The following DCHS1 variants were observed in gnomAD, a reference collection of about 807,000 sequenced individuals.
The protein encoded by DCHS1 is protocadherin-16.
DCHS1 carries 78 observed loss-of-function variants against 213.9 expected under a neutral mutation model. The observed-to-expected ratio is 0.36, with a 90% CI of 0.30 to 0.44. The LOEUF is 0.44. Ranked by LOEUF, DCHS1 falls within the 20% of genes least tolerant of loss-of-function variation. The pLI, the probability that DCHS1 is intolerant of heterozygous loss-of-function variation, is 1.00. For missense variants in DCHS1, 3,946 were observed against 4,395.9 expected, an observed-to-expected ratio of 0.90 and a Z score of 2.89; for synonymous variants, 1,828 against 1,873.7, an observed-to-expected ratio of 0.98 and a Z score of 0.63.
At position 6,630,441 on chromosome 11, in the gene DCHS1, G is replaced by T. The variant is rs945534452; in HGVS notation, c.4353C>A (p.Pro1451=). The T allele has an allele frequency of 1.3e-6, 2 of 1,506,512 alleles. No individual in the cohort carries two copies. The highest frequency in any genetic ancestry group is 1.2e-5 in the South Asian group (1 of 82,832). The allele number at this position is 1,506,512 out of a possible 1,614,324, so 93.3% of individuals were successfully genotyped here. A position where few individuals can be genotyped will look rare whatever the true frequency, so the allele number is the denominator to read the frequency against. Residue 1451 remains proline (P), a synonymous_variant, in exon 10 of 21, where the codon CCC becomes CCA. Transcript: ENST00000299441. ...LALALPENPE[P]GAALYTFRAS... ...CGCGGAAAGTGTACAGCGCTGCGCC[G>T]GGCTCCGGGTTCTCTGGCAGCGCCA... is the stretch of plus-strand genomic sequence containing the variant.
rs1399779430 is a variant in DCHS1 at position 6,640,567 on chromosome 11, A to C, written c.1047T>G (p.Thr349=). 1.2e-6 allele frequency: 2 copies of C among 1,608,930 alleles called. No homozygotes were observed. Among genetic ancestry groups the C allele is most frequent in the African/African-American group, 1.3e-5 (1 of 74,932 alleles). Residue 349 remains threonine, a synonymous_variant, in exon 2 of 21, where the codon ACT becomes ACG. Transcript: ENST00000299441. The surrounding 1 kb of genome is among the most constrained non-coding windows in gnomAD (Gnocchi z 6.5). Reference sequence around the variant, plus strand: ...TGTCATTGGCATCTCGCACATGCACAGTCACAAAGGCCGAGCCCAGCTCAG... The same window carrying C: ...TGTCATTGGCATCTCGCACATGCACCGTCACAAAGGCCGAGCCCAGCTCAG... The part of the protein sequence containing the change: ...AHPELGSAFV[T]VHVRDANDNQ...
intron 1 of DCHS1, among the ~76,000 whole-genome samples, chr11:6,646,260 C>T (rs914098670): frequency 2.0e-5 from 3 of 152,146 alleles, no homozygotes; most frequent in Non-Finnish European, 2.9e-5. Context: ...CACATGCTGC[C>T]GGGGCACTCG....
In DCHS1 at chr11:6,640,831, A is replaced by C. The variant is rs910392520; in HGVS notation, c.783T>G (p.His261Gln). 5.0e-6 allele frequency: 8 copies of C among 1,614,018 alleles called. No homozygotes were observed. The highest frequency in any genetic ancestry group is 6.8e-6 in the Non-Finnish European group (8 of 1,179,892). ...GGGCCAGGCTCTCAGACACCACAGC[A>C]TGGTAGCGGCTCTGATTGAAAGCCG... ...HAPAFNQSRY[H>Q]AVVSESLAPG... is the part of the protein sequence containing the mutation. Residue 261 changes from histidine to glutamine, a missense_variant, in exon 2 of 21, where the codon CAT becomes CAG. Coordinates refer to ENST00000299441, the MANE Select transcript of DCHS1 (RefSeq NM_003737.4). The surrounding 1 kb of genome is among the most constrained non-coding windows in gnomAD (Gnocchi z 6.5).
chr11:6,631,161 G>A lies in DCHS1; in HGVS notation c.3822C>T (p.Leu1274=). ...CTGCTCGGATCAGGGGAGCTGCAGT[G>A]AGCAGCTCCCCTGAGTGAGGGTGCA... The part of the protein sequence containing the change: ...FSLHPHSGEL[L]TAAPLIRAER... Residue 1274 remains leucine, a synonymous_variant, in exon 9 of 21, where the codon CTC becomes CTT. Transcript: ENST00000299441. 1.2e-6 allele frequency: 2 copies of A among 1,611,766 alleles called. No homozygotes were observed. Among genetic ancestry groups the A allele is most frequent in the Non-Finnish European group, 8.5e-7 (1 of 1,178,528 alleles).
Position 6,655,766 on chromosome 11 carries a change from G to A in DCHS1, c.-324C>T. 14 of 979,516 alleles carry A rather than the reference G, an allele frequency of 1.4e-5. No individual in the cohort carries two copies. Among genetic ancestry groups the A allele is most frequent in the Non-Finnish European group, 1.7e-5 (14 of 827,796 alleles). 60.7% of individuals were successfully genotyped at this position (979,516 alleles called of 1,614,324 possible). A position where few individuals can be genotyped will look rare whatever the true frequency, so the allele number is the denominator to read the frequency against. On this transcript the variant is annotated 5_prime_UTR_variant, in exon 1 of 21. Transcript: ENST00000299441. ...TCGGTCCGTCCGCTGACGCCCGGGC[G>A]CCGCCTCCTGCACAGCCGCCCCGCC...
rs760376436 is a variant in DCHS1 at position 6,640,690 on chromosome 11, G to A, written c.924C>T (p.Asp308=). 47 of 1,613,384 alleles carry A rather than the reference G, an allele frequency of 2.9e-5. No individual in the cohort carries two copies. The highest frequency in any genetic ancestry group is 1.8e-4 in the East Asian group (8 of 44,894). Reference sequence around the variant, plus strand: ...CTAACTGCAGCAGCCCCGTGTGTGCGTCGATGGAGAAGGGTCCATCACCCT... The same window carrying A: ...CTAACTGCAGCAGCCCCGTGTGTGCATCGATGGAGAAGGGTCCATCACCCT... ...QSEGDGPFSI[D]AHTGLLQLER... is the part of the protein sequence containing the mutation. The change falls in exon 2 of 21, where the codon GAC becomes GAT. Residue 308 remains aspartate, a synonymous_variant. Transcript: ENST00000299441. This position sits in a 1 kb window ranked among gnomAD's most constrained non-coding sequence, Gnocchi z 6.5.
Position 6,626,391 on chromosome 11 carries a change from T to A in DCHS1, c.6365-11A>T. Reference sequence around the variant, plus strand: ...GAACTGTGATGGCACCTGGGCGAGATAGAATGCATCAGTGATAGCCCCCTT... The same window carrying A: ...GAACTGTGATGGCACCTGGGCGAGAAAGAATGCATCAGTGATAGCCCCCTT... On this transcript the variant is annotated splice_polypyrimidine_tract_variant and intron_variant, in intron 15 of 20. Transcript: ENST00000299441. The surrounding 1 kb of genome is among the most constrained non-coding windows in gnomAD (Gnocchi z 5.2). The A allele has an allele frequency of 1.2e-6, 2 of 1,611,116 alleles. No homozygotes were observed. Among genetic ancestry groups the A allele is most frequent in the South Asian group, 1.1e-5 (1 of 90,816 alleles).
rs1415599232 is a variant in DCHS1, at chr11:6,640,399, C to T, written c.1215G>A (p.Leu405=). 4 of 1,613,900 alleles carry T rather than the reference C, an allele frequency of 2.5e-6. No individual in the cohort carries two copies. Among genetic ancestry groups the T allele is most frequent in the Non-Finnish European group, 3.4e-6 (4 of 1,179,848 alleles). ...DGDFAHVNVS[L]EGGEGHFALS... is the part of the protein sequence containing the mutation. ...GGGCAAAGTGGCCCTCTCCACCTTC[C>T]AGGGACACATTGACATGGGCAAAGT... Residue 405 remains leucine, a synonymous_variant, in exon 2 of 21, where the codon CTG becomes CTA. Transcript: ENST00000299441. This position sits in a 1 kb window ranked among gnomAD's most constrained non-coding sequence, Gnocchi z 6.5.
rs1369837163 is a variant in DCHS1, at chr11:6,630,021, G to C, written c.4773C>G (p.His1591Gln). The change falls in exon 10 of 21, where the codon CAC becomes CAG. Residue 1591 changes from histidine (H) to glutamine (Q), a missense_variant. By Grantham distance (24) the His-to-Gln change is conservative. Coordinates refer to ENST00000299441, the MANE Select transcript of DCHS1 (RefSeq NM_003737.4). Reference protein sequence around the residue: ...SYRLASGGDGHFRLHSSTGAL... With the variant: ...SYRLASGGDGQFRLHSSTGAL... ...CACCAGTGCTTGAGTGCAGCCGGAA[G>C]TGGCCGTCCCCGCCAGATGCCAGCC... 1 of 1,560,788 alleles carries C rather than the reference G, an allele frequency of 6.4e-7. No individual in the cohort carries two copies. Among genetic ancestry groups the C allele is most frequent in the Non-Finnish European group, 8.7e-7 (1 of 1,149,580 alleles).
intron 2 of DCHS1, among the ~76,000 whole-genome samples, chr11:6,635,606 A>G (rs1855975456): frequency 6.6e-6 from 1 of 152,118 alleles, no homozygotes; most frequent in South Asian, 2.1e-4. Context: ...CCCTCCTGAG[A>G]GACACCAAGA....
intron 1 of DCHS1, among the ~76,000 whole-genome samples, chr11:6,647,088 G>A (rs948914269): frequency 6.6e-6 from 1 of 152,306 alleles, no homozygotes; most frequent in African/African-American, 2.4e-5. Flanking sequence ...GGGTGAGGAG[G>A]GGCGCCACAA....
chr11:6,641,000 G>A lies in DCHS1; in HGVS notation c.614C>T (p.Pro205Leu). Reference sequence around the variant, plus strand: ...CAGTTCCCCAGTAACTACCAGCTCAGGTACTGGAGTCCCATCTGGACCGGG... The same window carrying A: ...CAGTTCCCCAGTAACTACCAGCTCAAGTACTGGAGTCCCATCTGGACCGGG... ...TRPGPDGTPV[P>L]ELVVTGELDR... The change falls in exon 2 of 21, where the codon CCT becomes CTT. Residue 205 changes from proline to leucine, a missense_variant. Pro to Leu is a moderately conservative substitution (Grantham distance 98, BLOSUM62 -3). Around this residue, in one of 3 missense-constraint regions of DCHS1, gnomAD observed 3,384 missense variants for 3,780.1 expected, o/e 0.90. Transcript: ENST00000299441. This position sits in a 1 kb window ranked among gnomAD's most constrained non-coding sequence, Gnocchi z 6.5. The A allele has an allele frequency of 6.2e-7, 1 of 1,614,036 alleles. No individual in the cohort carries two copies. The highest frequency in any genetic ancestry group is 8.5e-7 in the Non-Finnish European group (1 of 1,179,906).
At position 6,645,959 on chromosome 11, in the gene DCHS1, A is replaced by G. The variant is rs117112273; in HGVS notation, c.-120-4226T>C. Among the ~76,000 whole-genome samples the G allele has an allele frequency of 9.2e-4, 140 of 152,188 alleles. 1 individual carries two copies. The East Asian group carries it at 0.023, about 25-fold the overall frequency. On this transcript the variant is annotated intron_variant, in intron 1 of 20. Coordinates refer to ENST00000299441, the MANE Select transcript of DCHS1 (RefSeq NM_003737.4). Reference sequence around the variant, plus strand: ...TGCACACACACAGAGACCCTTTCACATATATACACAGAAGCACATTTTCCA... The same window carrying G: ...TGCACACACACAGAGACCCTTTCACGTATATACACAGAAGCACATTTTCCA...
chr11:6,621,944 G>T lies in DCHS1; in HGVS notation c.9732C>A (p.Ser3244=), dbSNP rs1272355378. 1.9e-6 allele frequency: 3 copies of T among 1,613,286 alleles called. No individual in the cohort carries two copies. The highest frequency in any genetic ancestry group is 1.1e-5 in the South Asian group (1 of 91,042). The change falls in exon 21 of 21, where the codon TCC becomes TCA. Residue 3244 remains serine (S), a synonymous_variant. Transcript: ENST00000299441. ...TGGGGGACATGGCAGCTGAGGACAG[G>T]GAGCCTTCATGGCTGATGGGGGAGC... The part of the protein sequence containing the change: ...SHRSPISHEG[S]LSSAAMSPSF...
At chr11:6,631,545 C>T in intron 7 of DCHS1, 71 bp downstream of exon 7, 3 of 1,560,432 alleles carry the variant, frequency 1.9e-6, no homozygotes, top group Non-Finnish European at 2.6e-6. Flanking sequence ...CTTACCTACA[C>T]CTACAGCTCT....
In DCHS1 at chr11:6,633,852, G is replaced by A. The variant is rs1589957912; in HGVS notation, c.2155C>T (p.Arg719Ter). ...CCAGCCAGGATATGGTAGGAGAGTC[G>A]CCCATGGGATCCCTGGTCAGGGTCA... Reference protein sequence around the residue: ...AHDPDQGSHGRLSYHILAGNS... With the variant: ...AHDPDQGSHG The change falls in exon 4 of 21, where the codon CGA becomes TGA. Residue 719 changes from arginine to a stop codon, truncating the protein, a stop_gained. Coordinates refer to ENST00000299441, the MANE Select transcript of DCHS1 (RefSeq NM_003737.4). LOFTEE classifies it high-confidence loss of function. 3.7e-6 allele frequency: 6 copies of A among 1,613,960 alleles called. No individual in the cohort carries two copies. The highest frequency in any genetic ancestry group is 5.1e-6 in the Non-Finnish European group (6 of 1,179,898).
At position 6,621,992 on chromosome 11, in the gene DCHS1, G is replaced by A. The variant is rs749965386; in HGVS notation, c.9684C>T (p.Ala3228=). The change falls in exon 21 of 21, where the codon GCC becomes GCT. Residue 3228 remains alanine (A), a synonymous_variant. Coordinates refer to ENST00000299441, the MANE Select transcript of DCHS1 (RefSeq NM_003737.4). ...AGCGGTGAGAAGCTGGTGGGAAGAT[G>A]GCCCGGGCTGCAGCTGTGTTTGCTG... ...PKPANTAAAR[A]IFPPASHRSP... is the part of the protein sequence containing the mutation. 1.2e-6 allele frequency: 2 copies of A among 1,613,506 alleles called. No homozygotes were observed. Among genetic ancestry groups the A allele is most frequent in the African/African-American group, 1.3e-5 (1 of 74,894 alleles).
At position 6,630,744 on chromosome 11, in the gene DCHS1, C is replaced by A; in HGVS notation, c.4050G>T (p.Leu1350=). The A allele has an allele frequency of 1.9e-6, 3 of 1,545,564 alleles. No individual in the cohort carries two copies. The highest frequency in any genetic ancestry group is 2.6e-6 in the Non-Finnish European group (3 of 1,147,500). The stretch of plus-strand genomic sequence containing the variant: ...GCTCTGGCGCTGCCACCGAGCCCAA[C>A]AGAGAGCCGGGCCGCAGTCCCTCAG... ...TAAEGLRPGS[L]LGSVAAPEPA... The change falls in exon 10 of 21, where the codon CTG becomes CTT. Residue 1350 remains leucine, a synonymous_variant. Coordinates refer to ENST00000299441, the MANE Select transcript of DCHS1 (RefSeq NM_003737.4).
Position 6,632,509 on chromosome 11 carries a change from G to A in DCHS1, c.3003C>T (p.Asn1001=), listed in dbSNP as rs560921343. 1.9e-6 allele frequency: 3 copies of A among 1,552,152 alleles called. 1 individual carries two copies. The South Asian group carries it at 3.7e-5, about 19-fold the overall frequency. Residue 1001 remains asparagine (N), a synonymous_variant, in exon 6 of 21, where the codon AAC becomes AAT. Transcript: ENST00000299441. This position sits in a 1 kb window ranked among gnomAD's most constrained non-coding sequence, Gnocchi z 5.9. ...VGTRGLAPRF[N]SPTYRVDLPS... Reference sequence around the variant, plus strand: ...GCAGGTCCACACGGTAGGTAGGGCTGTTGAATCGGGGAGCCAGCCCACGGG... The same window carrying A: ...GCAGGTCCACACGGTAGGTAGGGCTATTGAATCGGGGAGCCAGCCCACGGG...
Sources: gnomAD v4.1 joint callset for allele counts (sites outside exome capture counted in the v4.1 genomes callset) on GRCh38, gnomAD v4.1.1 for gene constraint, gnomAD v4.1.1 regional missense constraint, Gnocchi (gnomAD v3.1) non-coding constraint, MANE v1.5 for transcripts, NCBI Gene and HGNC (gene_info 2026-07-23, HGNC 2026-07-21) for gene names.